The following HTR2A variants were observed in gnomAD, a reference collection of about 807,000 sequenced individuals.
HTR2A encodes the protein 5-hydroxytryptamine receptor 2A.
HTR2A carries 14 observed loss-of-function variants against 31.0 expected under a neutral mutation model. The observed-to-expected ratio is 0.45, with a 90% CI of 0.30 to 0.71. HTR2A has a LOEUF of 0.71. Among genes scored for constraint, HTR2A ranks in the 30% least tolerant of loss-of-function variants. The probability of loss-of-function intolerance (pLI) is 0.09; values close to 1 mark genes in which losing one functional copy is unlikely to be tolerated. For missense variants in HTR2A, 442 were observed against 573.3 expected, an observed-to-expected ratio of 0.77 and a Z score of 2.34; for synonymous variants, 209 against 225.2, an observed-to-expected ratio of 0.93 and a Z score of 0.64.
intron 3 of HTR2A, among the ~76,000 whole-genome samples, chr13:46,859,565 C>A (rs1950765025): frequency 6.6e-6 from 1 of 151,978 alleles, no homozygotes; most frequent in South Asian, 2.1e-4. Context: ...CCACCATCCC[C>A]CTAGTGCTGT....
intron 3 of HTR2A, among the ~76,000 whole-genome samples, chr13:46,842,614 G>A (rs777688591): frequency 2.5e-4 from 38 of 152,100 alleles, no homozygotes; most frequent in Admixed American, 1.7e-3. Flanking sequence ...TAACACTCGA[G>A]CAATTACCAG....
At chr13:46,888,734 A>G (rs1193297432) in intron 3 of HTR2A, among the ~76,000 whole-genome samples, 1 of 152,196 alleles carries the variant, frequency 6.6e-6, no homozygotes, top group Non-Finnish European at 1.5e-5. Flanking sequence ...CATTTAGTAA[A>G]TAGGGAAAAA....
At chr13:46,838,124 G>A (rs1006612748) in intron 3 of HTR2A, among the ~76,000 whole-genome samples, 1 of 152,222 alleles carries the variant, frequency 6.6e-6, no homozygotes, top group African/African-American at 2.4e-5. Context: ...TGATTTCTAA[G>A]AAGAGTGTTT....
chr13:46,884,676 GAACAA>G (rs971893191), intron 3 of HTR2A, among the ~76,000 whole-genome samples: 2 of 151,946 alleles, frequency 1.3e-5, no homozygotes, highest in Non-Finnish European at 2.9e-5. Flanking sequence ...GATAAAAACA[GAACAA>G]AACAAAACTG....
At chr13:46,894,313 G>A (rs1951082392) in intron 2 of HTR2A, among the ~76,000 whole-genome samples, 1 of 152,164 alleles carries the variant, frequency 6.6e-6, no homozygotes, top group South Asian at 2.1e-4. Flanking sequence ...TTTGGGTCCC[G>A]CTCTGTCACT....
chr13:46,897,730 A>G (rs1951114762), upstream of HTR2A, among the ~76,000 whole-genome samples: 1 of 152,262 alleles, frequency 6.6e-6, no homozygotes, highest in Non-Finnish European at 1.5e-5. Context: ...CAGTTCTATC[A>G]CCTTCTGTTC....
At chr13:46,870,121 G>C (rs1226954888) in intron 3 of HTR2A, among the ~76,000 whole-genome samples, 1 of 151,926 alleles carries the variant, frequency 6.6e-6, no homozygotes, top group Non-Finnish European at 1.5e-5. Flanking sequence ...TTCTAAACTG[G>C]TCAAATATAT....
intron 2 of HTR2A, among the ~76,000 whole-genome samples, chr13:46,894,039 G>C (rs1951077942): frequency 6.6e-6 from 1 of 152,254 alleles, no homozygotes; most frequent in Non-Finnish European, 1.5e-5. Context: ...GTTCGGAACA[G>C]ATGTCGGCCC....
At chr13:46,883,289 C>A (rs566369680) in intron 3 of HTR2A, among the ~76,000 whole-genome samples, 1 of 121,758 alleles carries the variant, frequency 8.2e-6, no homozygotes, top group East Asian at 2.8e-4. Flanking sequence ...TGTAAGGTGT[C>A]ACAGCTTGAG....
intron 3 of HTR2A, among the ~76,000 whole-genome samples, chr13:46,888,506 A>G (rs1202448942): frequency 6.6e-6 from 1 of 151,520 alleles, no homozygotes; most frequent in Non-Finnish European, 1.5e-5. Flanking sequence ...CTAGAATTCT[A>G]TACTGAACAA....
At chr13:46,886,149 A>G (rs1951004720) in intron 3 of HTR2A, among the ~76,000 whole-genome samples, 1 of 152,182 alleles carries the variant, frequency 6.6e-6, no homozygotes, top group Admixed American at 6.5e-5. Context: ...GTTATTTAGA[A>G]ATTATTGGAA....
chr13:46,853,565 A>C (rs2138203030), intron 3 of HTR2A, among the ~76,000 whole-genome samples: 1 of 152,304 alleles, frequency 6.6e-6, no homozygotes, highest in Non-Finnish European at 1.5e-5. Context: ...AAACCTCCCC[A>C]GATGATTCTA....
At chr13:46,848,065 A>G (rs574771262) in intron 3 of HTR2A, among the ~76,000 whole-genome samples, 1 of 152,326 alleles carries the variant, frequency 6.6e-6, no homozygotes, top group East Asian at 1.9e-4. Context: ...GGAAAGCCCA[A>G]GATGAAGACC....
chr13:46,856,376 T>C (rs1257116136), intron 3 of HTR2A: 1 of 152,080 alleles, frequency 6.6e-6, no homozygotes, highest in Non-Finnish European at 1.5e-5. Context: ...GGGAGAAAAA[T>C]GTAAAGTGTT....
Position 46,835,194 on chromosome 13 carries a change from G to T in HTR2A, c.1059C>A (p.Cys353Ter). 1 of 1,614,102 alleles carries T rather than the reference G, an allele frequency of 6.2e-7. No homozygotes were observed. The highest frequency in any genetic ancestry group is 1.1e-5 in the South Asian group (1 of 91,062). The change falls in exon 4 of 4, where the codon TGC (cysteine) becomes TGA (stop). Residue 353 changes from cysteine (C) to a stop codon, truncating the protein, a stop_gained. Coordinates refer to ENST00000542664, the MANE Select transcript of HTR2A (RefSeq NM_000621.5). LOFTEE classifies it high-confidence loss of function. ...NIMAVICKESCNEDVIGALLN... is the reference protein window; with the variant it reads ...NIMAVICKES The stretch of plus-strand genomic sequence containing the variant: ...GCAGGGCCCCAATGACATCCTCATT[G>T]CAGGACTCTTTGCAGATGACGGCCA...
chr13:46,888,562 A>G (rs987461473), intron 3 of HTR2A, among the ~76,000 whole-genome samples: 6 of 152,222 alleles, frequency 3.9e-5, no homozygotes, highest in Non-Finnish European at 8.8e-5. Flanking sequence ...TAGGATAAGA[A>G]AAACAGAACA....
At chr13:46,847,016 A>T (rs1042715177) in intron 3 of HTR2A, among the ~76,000 whole-genome samples, 2 of 152,194 alleles carry the variant, frequency 1.3e-5, no homozygotes, top group Admixed American at 1.3e-4. Flanking sequence ...CTCTTTTCCA[A>T]ATTGCAGTTT....
chr13:46,852,953 T>C (rs1389511773), intron 3 of HTR2A, among the ~76,000 whole-genome samples: 2 of 148,936 alleles, frequency 1.3e-5, no homozygotes, highest in Non-Finnish European at 3.0e-5. Flanking sequence ...TTGTCTGTCC[T>C]ATAATAGTTC....
chr13:46,882,611 C>G (rs1444256062), intron 3 of HTR2A, among the ~76,000 whole-genome samples: 1 of 152,022 alleles, frequency 6.6e-6, no homozygotes, highest in Admixed American at 6.6e-5. Flanking sequence ...CTCCATAAAT[C>G]CATGTGGAAA....
Sources: gnomAD v4.1 joint callset for allele counts (sites outside exome capture counted in the v4.1 genomes callset) on GRCh38, gnomAD v4.1.1 for gene constraint, MANE v1.5 for transcripts, NCBI Gene and HGNC (gene_info 2026-07-23, HGNC 2026-07-21) for gene names.